The following TFB1M variants were observed in gnomAD, a reference collection of about 807,000 sequenced individuals.
The protein encoded by TFB1M is dimethyladenosine transferase 1, mitochondrial.
In TFB1M, 27 loss-of-function variants were observed where a neutral mutation model predicts 31.1. The ratio of observed to expected loss-of-function variants is 0.87; its 90% CI spans 0.64 to 1.20. The LOEUF (loss-of-function observed/expected upper bound fraction) is 1.20, where lower values mean the gene tolerates loss of function less well. TFB1M is among the 50% of genes most tolerant of loss of function. TFB1M has a pLI of 0.00. For synonymous variants in TFB1M, 166 were observed against 151.8 expected, an observed-to-expected ratio of 1.09 and a Z score of -0.69; for missense variants, 394 against 418.7, an observed-to-expected ratio of 0.94 and a Z score of 0.51.
the TFB1M span, among the ~76,000 whole-genome samples, chr6:155,231,938 A>G: frequency 6.6e-6 from 1 of 152,206 alleles, no homozygotes; most frequent in African/African-American, 2.4e-5. Flanking sequence ...AAGATTAGCC[A>G]GGCTTGGTGG....
At chr6:155,249,866 T>C in the TFB1M span, 1 of 1,612,990 alleles carries the variant, frequency 6.2e-7, no homozygotes, top group African/African-American at 1.3e-5. Flanking sequence ...CTAAAGGCAA[T>C]GGAGAAAGTA....
chr6:155,289,923 G>A (rs1472322246), intron 4 of TFB1M, among the ~76,000 whole-genome samples: 1 of 152,138 alleles, frequency 6.6e-6, no homozygotes, highest in Non-Finnish European at 1.5e-5. Flanking sequence ...TACTGCTCCA[G>A]CCACATAAAC....
Position 155,256,325 on chromosome 6 carries a change from A to T in TFB1M, c.*1511T>A. 1 of 1,039,344 alleles carries T rather than the reference A, an allele frequency of 9.6e-7. No individual in the cohort carries two copies. The highest frequency in any genetic ancestry group is 1.4e-6 in the Non-Finnish European group (1 of 726,806). The allele number at this position is 1,039,344 out of a possible 1,614,324, so 64.4% of individuals were successfully genotyped here. On this transcript the variant is annotated 3_prime_UTR_variant, in exon 7 of 7. Transcript: ENST00000367166. ...CTAAGTCAAAAATGTCCATGTTTTC[A>T]GTAGCTACATTTTTGCCTAATTACC...
In TFB1M at chr6:155,311,742, G is replaced by A. The variant is rs1778025016; in HGVS notation, c.134-403C>T. Among the ~76,000 whole-genome samples, 3 of 152,132 alleles carry A rather than the reference G, an allele frequency of 2.0e-5. No individual in the cohort carries two copies. The South Asian group carries it at 6.2e-4, about 32-fold the overall frequency. On this transcript the variant is annotated intron_variant, in intron 1 of 6. Transcript: ENST00000367166. ...TTGAATATCTGAATAAGCAATACTAGTTTCACATTCAGAATCTTCAGTATT... is the reference window on the plus strand; with the variant it reads ...TTGAATATCTGAATAAGCAATACTAATTTCACATTCAGAATCTTCAGTATT...
chr6:155,284,179 A>G (rs1429075808), intron 5 of TFB1M, among the ~76,000 whole-genome samples: 4 of 152,254 alleles, frequency 2.6e-5, no homozygotes, highest in African/African-American at 7.2e-5. Flanking sequence ...GGCAGCAAAG[A>G]GCATGGAGAT....
At chr6:155,277,330 A>C (rs1249426091) in intron 5 of TFB1M, among the ~76,000 whole-genome samples, 1 of 152,258 alleles carries the variant, frequency 6.6e-6, no homozygotes, top group East Asian at 1.9e-4. Flanking sequence ...AATGAATGTC[A>C]AAATATATTT....
the TFB1M span, chr6:155,251,119 G>A: frequency 9.7e-7 from 1 of 1,036,232 alleles, no homozygotes; most frequent in Non-Finnish European, 1.5e-6. Context: ...TGAGCTCCAG[G>A]AGTCAGAATT....
intron 6 of TFB1M, 97 bp downstream of exon 6, chr6:155,260,176 A>T: frequency 7.5e-7 from 1 of 1,341,822 alleles, no homozygotes; most frequent in Non-Finnish European, 1.1e-6. Flanking sequence ...TGTAATACTC[A>T]GAGCTTTAAG....
intron 4 of TFB1M, among the ~76,000 whole-genome samples, chr6:155,286,562 T>C (rs1776655625): frequency 6.8e-6 from 1 of 148,128 alleles, no homozygotes; most frequent in Non-Finnish European, 1.5e-5. Context: ...TGTATATATA[T>C]GTATATATAT....
the TFB1M span, chr6:155,240,513 C>T: frequency 4.1e-5 from 66 of 1,592,574 alleles, no homozygotes; most frequent in Non-Finnish European, 2.3e-5. Context: ...TATTTTCCAC[C>T]TCTTGTCCTC....
chr6:155,272,450 C>T (rs553325444), intron 5 of TFB1M, among the ~76,000 whole-genome samples: 1 of 152,104 alleles, frequency 6.6e-6, no homozygotes, highest in African/African-American at 2.4e-5. Context: ...AGAGTTTTCA[C>T]TGTAGACCAT....
chr6:155,272,721 G>C (rs995929548), intron 5 of TFB1M, among the ~76,000 whole-genome samples: 1 of 151,568 alleles, frequency 6.6e-6, no homozygotes, highest in East Asian at 1.9e-4. Context: ...TCTCTATGCA[G>C]AAAAAAAAGC....
intron 4 of TFB1M, among the ~76,000 whole-genome samples, chr6:155,291,637 TG>T (rs1776928895): frequency 6.6e-6 from 1 of 152,192 alleles, no homozygotes; most frequent in East Asian, 1.9e-4. Flanking sequence ...TAATGTTGGG[TG>T]GTTCTTCGCT....
the TFB1M span, chr6:155,247,860 A>G: frequency 2.7e-5 from 29 of 1,081,590 alleles, no homozygotes; most frequent in South Asian, 4.2e-4. Context: ...TGCCTGACCC[A>G]CTGATGTGTT....
chr6:155,297,193 T>A, intron 3 of TFB1M, 89 bp from the exon 4 acceptor site: 1 of 1,377,284 alleles, frequency 7.3e-7, no homozygotes, highest in Non-Finnish European at 1.0e-6. Context: ...GACTGGATAT[T>A]AATAGCATCA....
At chr6:155,250,377 G>A in the TFB1M span, among the ~76,000 whole-genome samples, 4 of 145,506 alleles carry the variant, frequency 2.7e-5, no homozygotes, top group African/African-American at 5.1e-5. Flanking sequence ...GACATTTTCT[G>A]TATTTTTCCT....
At chr6:155,237,525 C>T in the TFB1M span, among the ~76,000 whole-genome samples, 1 of 152,252 alleles carries the variant, frequency 6.6e-6, no homozygotes, top group Non-Finnish European at 1.5e-5. Flanking sequence ...TTCTGCACTG[C>T]CCTAGTGGAG....
intron 5 of TFB1M, among the ~76,000 whole-genome samples, chr6:155,277,732 G>A (rs762566865): frequency 6.6e-6 from 1 of 152,186 alleles, no homozygotes; most frequent in Non-Finnish European, 1.5e-5. Context: ...TTAAATGATT[G>A]TTTAAAGTAT....
At chr6:155,275,586 C>T in intron 5 of TFB1M, 2 of 855,160 alleles carry the variant, frequency 2.3e-6, no homozygotes, top group Non-Finnish European at 3.7e-6. Flanking sequence ...CTTTCTTTCG[C>T]TCAATCCTGG....
Sources: gnomAD v4.1 joint callset for allele counts (sites outside exome capture counted in the v4.1 genomes callset) on GRCh38, gnomAD v4.1.1 for gene constraint, MANE v1.5 for transcripts, NCBI Gene and HGNC (gene_info 2026-07-23, HGNC 2026-07-21) for gene names.